DOCK2: variants seen among roughly 807,000 people sequenced by gnomAD.
DOCK2 encodes dedicator of cytokinesis protein 2.
Under a neutral mutation model 248.9 loss-of-function variants are expected in DOCK2, and 87 were observed. The ratio of observed to expected loss-of-function variants is 0.35; its 90% CI spans 0.29 to 0.42. The LOEUF (loss-of-function observed/expected upper bound fraction) is 0.42. Among genes scored for constraint, DOCK2 ranks in the 10% least tolerant of loss-of-function variants. The pLI, the probability that DOCK2 is intolerant of heterozygous loss-of-function variation, is 1.00. For missense variants in DOCK2, 1,747 were observed against 2,300.2 expected (o/e 0.76, Z 4.92); for synonymous variants, 805 against 821.6 (o/e 0.98, Z 0.35).
intron 32 of DOCK2, 146 bp from the exon 33 acceptor site, chr5:170,018,814 G>A: frequency 9.6e-7 from 1 of 1,042,490 alleles, no homozygotes; most frequent in Non-Finnish European, 1.4e-6. Flanking sequence ...TCAAAACGGT[G>A]CCTGGCTCAT....
chr5:169,996,916 G>C (rs547583885), intron 30 of DOCK2, among the ~76,000 whole-genome samples: 1 of 152,154 alleles, frequency 6.6e-6, no homozygotes, highest in Non-Finnish European at 1.5e-5. Context: ...GGTGTTTCTC[G>C]TAAGGTGGGA....
At chr5:169,715,322 A>G (rs929081900) in intron 19 of DOCK2, among the ~76,000 whole-genome samples, 1 of 152,172 alleles carries the variant, frequency 6.6e-6, no homozygotes, top group Non-Finnish European at 1.5e-5. Context: ...ACATCTTTAT[A>G]TGGTAGCTCT....
intron 27 of DOCK2, among the ~76,000 whole-genome samples, chr5:169,871,490 A>G (rs990640347): frequency 2.0e-5 from 3 of 152,210 alleles, no homozygotes; most frequent in African/African-American, 7.2e-5. Context: ...TCACAATCCC[A>G]TGGGATAAAT....
At position 170,001,604 on chromosome 5, in the gene DOCK2, C is replaced by T. The variant is rs973538546; in HGVS notation, c.3072+5440C>T. On this transcript the variant is annotated intron_variant, in intron 30 of 51. Coordinates refer to ENST00000520908, the MANE Select transcript of DOCK2 (RefSeq NM_004946.3). ...ATGGGGAGAATAATTATACAAATCT[C>T]ATATTTTTTTTAGGGAGGATTTAAC... Among the ~76,000 whole-genome samples the T allele has an allele frequency of 2.0e-5, 3 of 152,258 alleles. No individual in the cohort carries two copies. In the East Asian group the frequency reaches 5.8e-4, roughly 29 times the overall value.
chr5:169,691,651 AGAGAT>A (rs942924360), intron 9 of DOCK2, among the ~76,000 whole-genome samples: 2 of 152,306 alleles, frequency 1.3e-5, no homozygotes, highest in African/African-American at 4.8e-5. Flanking sequence ...CGTTTAAATT[AGAGAT>A]GAGATAAGAC....
At chr5:169,970,884 G>A (rs1777477861) in intron 27 of DOCK2, among the ~76,000 whole-genome samples, 2 of 152,082 alleles carry the variant, frequency 1.3e-5, no homozygotes, top group Admixed American at 1.3e-4. Flanking sequence ...TTCTTTAATT[G>A]AGTGTGGATC....
At chr5:169,694,420 T>C (rs1011250734) in intron 9 of DOCK2, among the ~76,000 whole-genome samples, 3 of 152,226 alleles carry the variant, frequency 2.0e-5, no homozygotes, top group African/African-American at 7.2e-5. Context: ...TCCTCCTGCA[T>C]GCCTTTCTGA....
intron 27 of DOCK2, among the ~76,000 whole-genome samples, chr5:169,955,655 C>T (rs988640165): frequency 6.6e-6 from 1 of 152,150 alleles, no homozygotes; most frequent in African/African-American, 2.4e-5. Flanking sequence ...AGAAGGCAGG[C>T]AAACCTGGTT....
At chr5:170,064,062 CA>C (rs1187675197) in intron 44 of DOCK2, among the ~76,000 whole-genome samples, 2 of 152,050 alleles carry the variant, frequency 1.3e-5, no homozygotes, top group Non-Finnish European at 1.5e-5. Context: ...TAGGGGTCTA[CA>C]AAAAACAGAG....
At chr5:169,965,288 G>A (rs192849049) in intron 27 of DOCK2, among the ~76,000 whole-genome samples, 257 of 152,342 alleles carry the variant, frequency 1.7e-3, no homozygotes, top group African/African-American at 6.0e-3. Context: ...GCGGGCTGGG[G>A]CTTGCAGTTC....
At chr5:169,874,218 G>T (rs1772167382) in intron 27 of DOCK2, among the ~76,000 whole-genome samples, 1 of 152,056 alleles carries the variant, frequency 6.6e-6, no homozygotes, top group African/African-American at 2.4e-5. Context: ...TTCAAGACCA[G>T]CCTGGCCAAC....
intron 30 of DOCK2, among the ~76,000 whole-genome samples, chr5:170,007,767 C>T (rs1581522494): frequency 1.3e-5 from 2 of 152,174 alleles, no homozygotes; most frequent in African/African-American, 2.4e-5. Flanking sequence ...AAAATCCTTA[C>T]AAGCCTGCAT....
In DOCK2 at chr5:169,714,215, A is replaced by G; in HGVS notation, c.1843+4A>G. 1 of 1,604,840 alleles carries G rather than the reference A, an allele frequency of 6.2e-7. No individual in the cohort carries two copies. The highest frequency in any genetic ancestry group is 8.5e-7 in the Non-Finnish European group (1 of 1,173,588). ...TCCACAAAGCTCACTCAGAATGGTA[A>G]TCGGGTCATCAAGAGTTGTGTCTGT... is the stretch of plus-strand genomic sequence containing the variant. On this transcript the variant is annotated splice_donor_region_variant and intron_variant, in intron 18 of 51. Transcript: ENST00000520908.
At chr5:170,055,260 T>C in intron 41 of DOCK2, 45 bp from the exon 42 acceptor site, 2 of 1,593,062 alleles carry the variant, frequency 1.3e-6, no homozygotes, top group Non-Finnish European at 1.7e-6. Flanking sequence ...CTTAAAACTG[T>C]CCCCGCAGCC....
intron 9 of DOCK2, 91 bp downstream of exon 9, chr5:169,689,424 GTGGC>G (rs1306186960): frequency 1.5e-6 from 2 of 1,356,156 alleles, no homozygotes; most frequent in African/African-American, 1.4e-5. Flanking sequence ...AGGGTGAAGT[GTGGC>G]TGTCCTGCAG....
chr5:170,032,775 G>A (rs960727047), intron 34 of DOCK2, among the ~76,000 whole-genome samples: 5 of 152,140 alleles, frequency 3.3e-5, no homozygotes, highest in East Asian at 1.9e-4. Flanking sequence ...TTGAGACGTC[G>A]CCTTCTTGCA....
chr5:169,795,009 A>C (rs928559532), intron 25 of DOCK2, among the ~76,000 whole-genome samples: 2 of 152,168 alleles, frequency 1.3e-5, no homozygotes, highest in African/African-American at 4.8e-5. Flanking sequence ...AGCCTGCAAC[A>C]TACCAAGACC....
At chr5:169,727,276 CATAGGTATTATGATGTTCATTAT>C (rs1762531177) in intron 22 of DOCK2, among the ~76,000 whole-genome samples, 1 of 152,158 alleles carries the variant, frequency 6.6e-6, no homozygotes, top group South Asian at 2.1e-4. Flanking sequence ...CGCTGCAAAG[CATAGGTATTATGATGTTCATTAT>C]ATAAAAGAGA....
At chr5:170,023,601 T>A (rs1464520546) in intron 33 of DOCK2, among the ~76,000 whole-genome samples, 1 of 152,278 alleles carries the variant, frequency 6.6e-6, no homozygotes, top group East Asian at 1.9e-4. Flanking sequence ...TTTTGGGGGA[T>A]GAATTGGAAC....
Sources: allele counts gnomAD v4.1 joint callset (sites outside exome capture counted in the v4.1 genomes callset), GRCh38; gene constraint gnomAD v4.1.1; transcripts MANE v1.5; gene names NCBI Gene and HGNC (gene_info 2026-07-23, HGNC 2026-07-21).